Variants in CSMD3 observed in about 807,000 individuals in gnomAD.
The protein encoded by CSMD3 is CUB and Sushi multiple domains 3.
A neutral mutation model predicts 435.2 loss-of-function variants in CSMD3; 177 were observed. That is an observed-to-expected ratio of 0.41 (90% CI 0.36 to 0.46). CSMD3 has a LOEUF of 0.46. Ranked by LOEUF, CSMD3 falls within the 20% of genes least tolerant of loss-of-function variation. The pLI is 0.34. For missense variants in CSMD3, 4,265 were observed against 4,504.6 expected (o/e 0.95, Z 1.52); for synonymous variants, 1,656 against 1,520.5 (o/e 1.09, Z -2.07).
intron 4 of CSMD3, among the ~76,000 whole-genome samples, chr8:113,149,638 A>G (rs998352471): frequency 6.6e-6 from 1 of 151,960 alleles, no homozygotes; most frequent in South Asian, 2.1e-4. Flanking sequence ...GTGATTGTAC[A>G]TGGTGTAATC....
At chr8:113,035,014 CT>C (rs2087280577) in intron 5 of CSMD3, among the ~76,000 whole-genome samples, 1 of 151,768 alleles carries the variant, frequency 6.6e-6, no homozygotes, top group Non-Finnish European at 1.5e-5. Context: ...CATAGAAAAA[CT>C]TTTATAGAGT....
At chr8:112,385,703 G>C (rs1438185773) in intron 36 of CSMD3, among the ~76,000 whole-genome samples, 1 of 152,158 alleles carries the variant, frequency 6.6e-6, no homozygotes, top group Non-Finnish European at 1.5e-5. Context: ...ATTAAATTTT[G>C]TGTGATTTGA....
At chr8:112,903,691 C>T (rs2082172102) in intron 10 of CSMD3, among the ~76,000 whole-genome samples, 2 of 151,218 alleles carry the variant, frequency 1.3e-5, no homozygotes, top group Non-Finnish European at 3.0e-5. Flanking sequence ...TCATCACCTG[C>T]TGGATGTCTC....
intron 27 of CSMD3, among the ~76,000 whole-genome samples, chr8:112,524,863 T>G (rs1210435729): frequency 1.3e-5 from 2 of 152,018 alleles, no homozygotes; most frequent in Admixed American, 1.3e-4. Context: ...ACGTGCAAAA[T>G]AATCATTTCT....
chr8:112,541,542 G>A (rs1239559197), intron 27 of CSMD3, among the ~76,000 whole-genome samples: 1 of 151,736 alleles, frequency 6.6e-6, no homozygotes, highest in Admixed American at 6.6e-5. Flanking sequence ...AGTCTACCAA[G>A]ACTAAATCAT....
intron 1 of CSMD3, among the ~76,000 whole-genome samples, chr8:113,427,115 A>G (rs1309625627): frequency 1.3e-5 from 2 of 151,504 alleles, no homozygotes. Context: ...TGCATGTAGA[A>G]AAAGGCTAGT....
chr8:112,392,170 C>T (rs1295924975), intron 35 of CSMD3, among the ~76,000 whole-genome samples: 1 of 152,004 alleles, frequency 6.6e-6, no homozygotes. Context: ...CCCAATTGTA[C>T]TGTGCTCCTG....
At chr8:112,834,395 T>C (rs979371418) in intron 11 of CSMD3, among the ~76,000 whole-genome samples, 1 of 151,794 alleles carries the variant, frequency 6.6e-6, no homozygotes, top group Non-Finnish European at 1.5e-5. Context: ...GTAAAACTTG[T>C]GCATTAAAAA....
At chr8:112,714,215 A>G (rs1457514164) in intron 13 of CSMD3, among the ~76,000 whole-genome samples, 1 of 152,088 alleles carries the variant, frequency 6.6e-6, no homozygotes, top group Non-Finnish European at 1.5e-5. Context: ...TCAAAATAAA[A>G]GGATGGAGAA....
intron 1 of CSMD3, among the ~76,000 whole-genome samples, chr8:113,356,345 A>G (rs1482613109): frequency 2.6e-5 from 4 of 152,290 alleles, no homozygotes; most frequent in East Asian, 1.9e-4. Context: ...TGAAATTCCT[A>G]TAACTGTGAG....
intron 32 of CSMD3, among the ~76,000 whole-genome samples, chr8:112,458,601 G>A (rs1022871693): frequency 6.6e-6 from 1 of 152,054 alleles, no homozygotes; most frequent in Non-Finnish European, 1.5e-5. Flanking sequence ...CCACCAACAT[G>A]AAGCGTTCTA....
chr8:113,353,876 T>C (rs555644235), intron 1 of CSMD3, among the ~76,000 whole-genome samples: 1 of 152,220 alleles, frequency 6.6e-6, no homozygotes, highest in East Asian at 1.9e-4. Flanking sequence ...CTTCATTTCT[T>C]AAAAAAAGAT....
intron 1 of CSMD3, among the ~76,000 whole-genome samples, chr8:113,328,719 TTTCC>T (rs1460451857): frequency 2.3e-4 from 34 of 145,516 alleles, no homozygotes; most frequent in Admixed American, 1.8e-3. Context: ...TCTTTCTTTC[TTTCC>T]TTCCTTCTTT....
At chr8:113,156,617 T>A (rs1441539425) in intron 4 of CSMD3, among the ~76,000 whole-genome samples, 1 of 151,768 alleles carries the variant, frequency 6.6e-6, no homozygotes, top group Non-Finnish European at 1.5e-5. Flanking sequence ...AGAGAGAGAA[T>A]AGGCTAAGCA....
chr8:112,228,968 T>A (rs1812832274), intron 69 of CSMD3, 77 bp from the exon 70 acceptor site: 1 of 811,778 alleles, frequency 1.2e-6, no homozygotes, highest in Non-Finnish European at 2.0e-6. Flanking sequence ...ATCAATTAAT[T>A]TCTTCTATTC....
intron 32 of CSMD3, among the ~76,000 whole-genome samples, chr8:112,457,341 G>A (rs1203524621): frequency 2.0e-5 from 3 of 152,054 alleles, no homozygotes; most frequent in Non-Finnish European, 4.4e-5. Context: ...GCGAGTGAGA[G>A]AACTGGATTG....
chr8:113,069,086 T>A lies in CSMD3; in HGVS notation c.917+29670A>T, dbSNP rs540280392. 2.0e-5 allele frequency among the ~76,000 whole-genome samples: 3 copies of A among 152,156 alleles called. No individual in the cohort carries two copies. In the East Asian group the frequency reaches 5.8e-4, roughly 29 times the overall value. On this transcript the variant is annotated intron_variant, in intron 5 of 70. Coordinates refer to ENST00000297405, the MANE Select transcript of CSMD3 (RefSeq NM_198123.2). ...AGAGACGACAAACGATTTTCTGATA[T>A]ATATGAACTTCTTACCTCCCTGCCA... is the stretch of plus-strand genomic sequence containing the variant.
At chr8:113,061,974 A>G (rs1159030537) in intron 5 of CSMD3, among the ~76,000 whole-genome samples, 1 of 151,754 alleles carries the variant, frequency 6.6e-6, no homozygotes, top group East Asian at 1.9e-4. Context: ...TTCCAAGTTG[A>G]AAAAACTTGA....
chr8:112,969,324 T>G (rs2084552184), intron 7 of CSMD3, among the ~76,000 whole-genome samples: 1 of 152,032 alleles, frequency 6.6e-6, no homozygotes, highest in Non-Finnish European at 1.5e-5. Flanking sequence ...AAAATAAACG[T>G]TTTATGCTGA....
Sources: allele counts gnomAD v4.1 joint callset (sites outside exome capture counted in the v4.1 genomes callset), GRCh38; gene constraint gnomAD v4.1.1; transcripts MANE v1.5; gene names NCBI Gene and HGNC (gene_info 2026-07-23, HGNC 2026-07-21).